Variants in ATP13A4 observed in about 807,000 individuals in gnomAD.
ATP13A4 encodes the protein probable cation-transporting ATPase 13A4.
A neutral mutation model predicts 142.5 loss-of-function variants in ATP13A4; 114 were observed. The observed-to-expected ratio is 0.80, with a 90% CI of 0.69 to 0.93. The LOEUF (loss-of-function observed/expected upper bound fraction) is 0.93. Among genes scored for constraint, ATP13A4 ranks in the 40% least tolerant of loss-of-function variants. The pLI, the probability that ATP13A4 is intolerant of heterozygous loss-of-function variation, is 0.00. For missense variants in ATP13A4, 1,392 were observed against 1,454.0 expected (o/e 0.96, Z 0.69); for synonymous variants, 488 against 514.8 (o/e 0.95, Z 0.70).
At chr3:193,540,921 A>G (rs1352573472) in intron 1 of ATP13A4, among the ~76,000 whole-genome samples, 1 of 151,902 alleles carries the variant, frequency 6.6e-6, no homozygotes, top group African/African-American at 2.4e-5. Context: ...TATATTTTAT[A>G]CATTTTATTC....
At chr3:193,489,294 CAT>C (rs1431306273) in intron 7 of ATP13A4, among the ~76,000 whole-genome samples, 3 of 151,880 alleles carry the variant, frequency 2.0e-5, no homozygotes, top group African/African-American at 7.3e-5. Context: ...CTGGTGTAGG[CAT>C]AAAGAAAGTC....
rs1320990476 is a variant in ATP13A4 at position 193,438,507 on chromosome 3, A to C, written c.2640T>G (p.Thr880=). 6.2e-7 allele frequency: 1 copy of C among 1,614,094 alleles called. No individual in the cohort carries two copies. The highest frequency in any genetic ancestry group is 1.1e-5 in the South Asian group (1 of 91,076). The change falls in exon 23 of 30, where the codon ACT becomes ACG. Residue 880 remains threonine (T), a synonymous_variant. Coordinates refer to ENST00000342695, the MANE Select transcript of ATP13A4 (RefSeq NM_032279.4). ...ASVASPFTSK[T]PNIECVPHLI... ...GGTGAGGTACGCACTCAATGTTTGG[A>C]GTTTTGGAAGTGAAAGGTGAGGCCA...
intron 1 of ATP13A4, among the ~76,000 whole-genome samples, chr3:193,551,550 G>A (rs1723566386): frequency 6.6e-6 from 1 of 152,166 alleles, no homozygotes; most frequent in South Asian, 2.1e-4. Flanking sequence ...TTAGATGATA[G>A]CAGCTCACAC....
chr3:193,456,322 G>A lies in ATP13A4; in HGVS notation c.1915+678C>T, dbSNP rs76090374. On this transcript the variant is annotated intron_variant, in intron 16 of 29. Transcript: ENST00000342695. ...GCCACTGCAGCATGCTATGGAAAGC[G>A]TTTGGTGGTGTACATACCAGCCTGG... Among the ~76,000 whole-genome samples, 472 of 152,276 alleles carry A rather than the reference G, an allele frequency of 3.1e-3. 3 individuals are homozygous for A. The highest frequency in any genetic ancestry group is 0.011 in the African/African-American group (455 of 41,554).
At chr3:193,494,717 A>G (rs1295055762) in intron 3 of ATP13A4, among the ~76,000 whole-genome samples, 1 of 152,002 alleles carries the variant, frequency 6.6e-6, no homozygotes, top group Non-Finnish European at 1.5e-5. Flanking sequence ...CCTCAGGGAA[A>G]ATGAGAACAA....
chr3:193,589,959 CAAAA>C (rs35624117), intron 1 of ATP13A4, among the ~76,000 whole-genome samples: 9 of 83,894 alleles, frequency 1.1e-4, no homozygotes, highest in African/African-American at 1.4e-4. Flanking sequence ...GTTCTTTTGC[CAAAA>C]AAAAAAAAAA....
intron 1 of ATP13A4, among the ~76,000 whole-genome samples, chr3:193,528,182 AG>A (rs901864948): frequency 2.0e-5 from 3 of 152,252 alleles, no homozygotes; most frequent in Non-Finnish European, 4.4e-5. Context: ...CTCTGGGAGA[AG>A]GAGCATGTCA....
intron 8 of ATP13A4, among the ~76,000 whole-genome samples, chr3:193,479,533 A>G (rs1577006684): frequency 6.6e-6 from 1 of 152,154 alleles, no homozygotes; most frequent in Non-Finnish European, 1.5e-5. Flanking sequence ...TGCAAAATAC[A>G]ATAAAATACT....
intron 1 of ATP13A4, among the ~76,000 whole-genome samples, chr3:193,517,185 T>C (rs1174661765): frequency 6.6e-6 from 1 of 152,218 alleles, no homozygotes; most frequent in African/African-American, 2.4e-5. Flanking sequence ...TTATTTCAGT[T>C]CAATTTAACA....
chr3:193,491,288 A>AT, intron 6 of ATP13A4, 41 bp downstream of exon 6: 4 of 1,466,294 alleles, frequency 2.7e-6, no homozygotes, highest in Non-Finnish European at 2.9e-6. Flanking sequence ...AAACTTCCTT[A>AT]TTTTCTGTCC....
intron 14 of ATP13A4, among the ~76,000 whole-genome samples, chr3:193,457,791 G>C (rs566485153): frequency 7.9e-5 from 12 of 152,318 alleles, no homozygotes; most frequent in African/African-American, 2.4e-4. Flanking sequence ...GACTTCTTTT[G>C]TGTGAAGCAA....
At chr3:193,582,253 A>T (rs1724564296) in intron 1 of ATP13A4, among the ~76,000 whole-genome samples, 1 of 147,526 alleles carries the variant, frequency 6.8e-6, no homozygotes, top group African/African-American at 2.5e-5. Context: ...GGTTCAAATG[A>T]TTCTCCTGCC....
chr3:193,417,934 A>G (rs1336828350), intron 25 of ATP13A4, among the ~76,000 whole-genome samples: 1 of 146,640 alleles, frequency 6.8e-6, no homozygotes, highest in African/African-American at 2.5e-5. Flanking sequence ...CATCCCGGCT[A>G]AAACGGTGAA....
intron 1 of ATP13A4, among the ~76,000 whole-genome samples, chr3:193,520,567 C>G (rs1027289777): frequency 6.6e-6 from 1 of 152,160 alleles, no homozygotes; most frequent in Admixed American, 6.5e-5. Context: ...CAAGGGCCTG[C>G]CCTGGAAGGG....
At position 193,466,037 on chromosome 3, in the gene ATP13A4, A is replaced by T; in HGVS notation, c.1260T>A (p.Tyr420Ter). ...AAAGACAGCTTACCCCACTAAGCAC[A>T]TAGACACACAGAGTATAGATCATCC... is the stretch of plus-strand genomic sequence containing the variant. ...TIGMIYTLCV[Y>*]VLSGEPPEEV... The change falls in exon 11 of 30, where the codon TAT becomes TAA. Residue 420 changes from tyrosine to a stop codon, truncating the protein, a stop_gained. Coordinates refer to ENST00000342695, the MANE Select transcript of ATP13A4 (RefSeq NM_032279.4). LOFTEE classifies it high-confidence loss of function. 1 of 1,614,172 alleles carries T rather than the reference A, an allele frequency of 6.2e-7. No individual in the cohort carries two copies. The highest frequency in any genetic ancestry group is 1.1e-5 in the South Asian group (1 of 91,076).
At chr3:193,430,948 C>T (rs1715936651) in intron 25 of ATP13A4, among the ~76,000 whole-genome samples, 1 of 152,008 alleles carries the variant, frequency 6.6e-6, no homozygotes, top group Non-Finnish European at 1.5e-5. Context: ...AAAGTTGTTA[C>T]AGTAATGCAC....
At chr3:193,491,516 G>A (rs1444214507) in intron 5 of ATP13A4, 118 bp from the exon 6 acceptor site, 3 of 789,486 alleles carry the variant, frequency 3.8e-6, no homozygotes, top group Middle Eastern at 2.9e-4. Flanking sequence ...ACCAACATAA[G>A]TCTCCCTTGT....
chr3:193,443,301 T>C (rs1353630995), intron 18 of ATP13A4, among the ~76,000 whole-genome samples: 2 of 152,186 alleles, frequency 1.3e-5, no homozygotes, highest in Non-Finnish European at 2.9e-5. Flanking sequence ...CCTAGAGCTG[T>C]GCGTGTGTGG....
At chr3:193,472,292 T>C (rs1387634854) in intron 8 of ATP13A4, among the ~76,000 whole-genome samples, 1 of 152,200 alleles carries the variant, frequency 6.6e-6, no homozygotes, top group Non-Finnish European at 1.5e-5. Context: ...ATGCGCTCCA[T>C]CCCACCTGGA....
Sources: allele counts gnomAD v4.1 joint callset (sites outside exome capture counted in the v4.1 genomes callset), GRCh38; gene constraint gnomAD v4.1.1; transcripts MANE v1.5; gene names NCBI Gene and HGNC (gene_info 2026-07-23, HGNC 2026-07-21).